Variants in MARS1 observed in about 807,000 individuals in gnomAD.
MARS1 encodes the protein methionine--tRNA ligase, cytoplasmic.
In MARS1, 80 loss-of-function variants were observed where a neutral mutation model predicts 119.5. The observed-to-expected ratio is 0.67, with a 90% CI of 0.56 to 0.81. The LOEUF (loss-of-function observed/expected upper bound fraction) is 0.81. Among genes scored for constraint, MARS1 ranks in the 30% least tolerant of loss-of-function variants. The probability of loss-of-function intolerance (pLI) is 0.00; values close to 1 mark genes in which losing one functional copy is unlikely to be tolerated. For missense variants in MARS1, 945 were observed against 1,116.5 expected, an observed-to-expected ratio of 0.85 and a Z score of 2.19; for synonymous variants, 418 against 433.4, an observed-to-expected ratio of 0.96 and a Z score of 0.44.
In MARS1 at chr12:57,504,862, C is replaced by T. The variant is rs549193377; in HGVS notation, c.1368+563C>T. Among the ~76,000 whole-genome samples the T allele has an allele frequency of 3.9e-5, 6 of 152,068 alleles. No individual in the cohort carries two copies. The South Asian group carries it at 1.2e-3, about 32-fold the overall frequency. On this transcript the variant is annotated intron_variant, in intron 11 of 20. Transcript: ENST00000262027. ...GGGATTACAGGCGTCTGCCACCATGCCCGGCTAATTTTTGTATTTTTAGTA... is the reference window on the plus strand; with the variant it reads ...GGGATTACAGGCGTCTGCCACCATGTCCGGCTAATTTTTGTATTTTTAGTA...
chr12:57,498,720 G>A, intron 9 of MARS1, 97 bp downstream of exon 9: 2 of 1,118,130 alleles, frequency 1.8e-6, no homozygotes, highest in South Asian at 1.3e-5. Context: ...GTGGCTGTCT[G>A]GGCACTCCTA....
chr12:57,493,191 T>C (rs1876078090), intron 7 of MARS1, among the ~76,000 whole-genome samples: 1 of 147,238 alleles, frequency 6.8e-6, no homozygotes, highest in Non-Finnish European at 1.5e-5. Flanking sequence ...GTGTCTCTTT[T>C]ATGGGGCTCA....
chr12:57,516,493 A>T lies in MARS1; in HGVS notation c.2615A>T (p.Glu872Val). ...QKADKNEVAA[E>V]VAKLLDLKKQ... Reference sequence around the variant, plus strand: ...GCAGACAAGAACGAGGTTGCTGCGGAGGTGGCGAAACTCTTGGATCTAAAG... The same window carrying T: ...GCAGACAAGAACGAGGTTGCTGCGGTGGTGGCGAAACTCTTGGATCTAAAG... Residue 872 changes from glutamate (E) to valine (V), a missense_variant, in exon 21 of 21, where the codon GAG becomes GTG. Glu to Val is a moderately radical substitution (Grantham distance 121). Transcript: ENST00000262027. The T allele has an allele frequency of 6.2e-7, 1 of 1,613,886 alleles. No individual in the cohort carries two copies. The highest frequency in any genetic ancestry group is 8.5e-7 in the Non-Finnish European group (1 of 1,179,944).
intron 7 of MARS1, among the ~76,000 whole-genome samples, chr12:57,493,749 ACATTATATTATATATATT>A (rs1876327374): frequency 4.5e-4 from 2 of 4,414 alleles, no homozygotes; most frequent in South Asian, 0.021. Flanking sequence ...TATATTATAT[ACATTATATTATATATATT>A]ATATATAATA....
rs765972233 is a variant in MARS1, at chr12:57,512,792, G to A, written c.1795G>A (p.Gly599Ser). 5 of 1,614,186 alleles carry A rather than the reference G, an allele frequency of 3.1e-6. No individual in the cohort carries two copies. Among genetic ancestry groups the A allele is most frequent in the Non-Finnish European group, 2.5e-6 (3 of 1,180,020 alleles). The change falls in exon 15 of 21, where the codon GGT becomes AGT. Residue 599 changes from glycine (G) to serine (S), a missense_variant. Coordinates refer to ENST00000262027, the MANE Select transcript of MARS1 (RefSeq NM_004990.4). ...YEDGKFSKSR[G>S]VGVFGDMAQD... ...GGATGGGAAATTCTCTAAGAGCCGC[G>A]GTGTGGGAGTGTTTGGGGACATGGC...
intron 7 of MARS1, among the ~76,000 whole-genome samples, chr12:57,497,922 C>T (rs768265646): frequency 2.2e-4 from 34 of 151,984 alleles, no homozygotes; most frequent in Admixed American, 4.6e-4. Flanking sequence ...AACAAGGCTC[C>T]TTCATAGCAG....
intron 7 of MARS1, among the ~76,000 whole-genome samples, chr12:57,493,724 T>TAATA (rs1565640909): frequency 1.8e-4 from 1 of 5,596 alleles, no homozygotes; most frequent in Non-Finnish European, 2.6e-4. Context: ...ATATTATATA[T>TAATA]TATATTATAT....
At chr12:57,501,373 G>T (rs773250800) in intron 10 of MARS1, among the ~76,000 whole-genome samples, 1 of 152,222 alleles carries the variant, frequency 6.6e-6, no homozygotes, top group African/African-American at 2.4e-5. Context: ...ATGGATGGCA[G>T]GGAAGCAAGA....
intron 4 of MARS1, 116 bp from the exon 5 acceptor site, chr12:57,489,780 A>T: frequency 9.1e-7 from 1 of 1,104,530 alleles, no homozygotes; most frequent in South Asian, 1.3e-5. Context: ...GAGATCATAT[A>T]AAGTGCTTAA....
At chr12:57,499,907 C>CA (rs764717879) in intron 9 of MARS1, among the ~76,000 whole-genome samples, 4 of 151,986 alleles carry the variant, frequency 2.6e-5, no homozygotes, top group African/African-American at 4.8e-5. Flanking sequence ...TCAAAACAAA[C>CA]AAAAAAACCC....
In MARS1 at chr12:57,511,823, C is replaced by A. The variant is rs372859186; in HGVS notation, c.1494C>A (p.Asp498Glu). The change falls in exon 12 of 21, where the codon GAC becomes GAA. Residue 498 changes from aspartate to glutamate, a missense_variant. Physicochemically the swap from Asp to Glu is conservative, Grantham distance 45 (BLOSUM62 2). Transcript: ENST00000262027. Reference sequence around the variant, plus strand: ...TCAAGCCACGCTGCATAACCCGAGACCTCAAATGGGGAACCCCTGTACCCT... The same window carrying A: ...TCAAGCCACGCTGCATAACCCGAGAACTCAAATGGGGAACCCCTGTACCCT... Reference protein sequence around the residue: ...DGLKPRCITRDLKWGTPVPLE... With the variant: ...DGLKPRCITRELKWGTPVPLE... 3.7e-6 allele frequency: 6 copies of A among 1,614,088 alleles called. No individual in the cohort carries two copies. The highest frequency in any genetic ancestry group is 5.1e-6 in the Non-Finnish European group (6 of 1,180,038).
chr12:57,515,068 CG>C lies in MARS1; in HGVS notation c.2204+14del. 6.2e-7 allele frequency: 1 copy of C among 1,614,022 alleles called. No individual in the cohort carries two copies. Among genetic ancestry groups the C allele is most frequent in the East Asian group, 2.2e-5 (1 of 44,884 alleles). On this transcript the variant is annotated intron_variant, in intron 17 of 20. Coordinates refer to ENST00000262027, the MANE Select transcript of MARS1 (RefSeq NM_004990.4). ...GCAGTGAGGCTGACAGGTAGGTAAG[CG>C]GGGAGGGTTGGCTAAAGGCATAAAG...
Position 57,500,646 on chromosome 12 carries a change from C to T in MARS1, c.1293+124C>T, listed in dbSNP as rs578249119. 1.1e-4 allele frequency: 90 copies of T among 842,984 alleles called. No individual in the cohort carries two copies. In the South Asian group the frequency reaches 1.5e-3, roughly 14 times the overall value. 52.2% of individuals were successfully genotyped at this position (842,984 alleles called of 1,614,324 possible). On this transcript the variant is annotated intron_variant, in intron 10 of 20. Coordinates refer to ENST00000262027, the MANE Select transcript of MARS1 (RefSeq NM_004990.4). ...GACCTTTAACCAGTGGCCCTTTCTG[C>T]CCCATCTCAGCAACTCGTCATTTAG...
chr12:57,493,899 TTATATAA>T (rs1357887305), intron 7 of MARS1, among the ~76,000 whole-genome samples: 3 of 60,792 alleles, frequency 4.9e-5, no homozygotes, highest in Admixed American at 2.7e-4. Context: ...TATATTTATG[TTATATAA>T]TATATATAAT....
chr12:57,493,324 TTATATATAA>T (rs1311192482), intron 7 of MARS1, among the ~76,000 whole-genome samples: 1 of 98,480 alleles, frequency 1.0e-5, no homozygotes, highest in South Asian at 2.6e-4. Flanking sequence ...ATATAATATA[TTATATATAA>T]TATATGTTAT....
Position 57,514,995 on chromosome 12 carries a change from A to G in MARS1, c.2141A>G (p.His714Arg), listed in dbSNP as rs1322917190. The change falls in exon 17 of 21, where the codon CAT (histidine) becomes CGT (arginine). Residue 714 changes from histidine (H) to arginine (R), a missense_variant. His to Arg is a conservative substitution (Grantham distance 29). Coordinates refer to ENST00000262027, the MANE Select transcript of MARS1 (RefSeq NM_004990.4). ...CGCAGTATCCTCACCATATCTCGAC[A>G]TGGCAACCAATATATTCAGGTGAAT... ...ALRSILTISR[H>R]GNQYIQVNEP... The G allele has an allele frequency of 3.7e-6, 6 of 1,614,182 alleles. No homozygotes were observed. The highest frequency in any genetic ancestry group is 3.3e-4 in the Middle Eastern group (2 of 6,062).
intron 19 of MARS1, 46 bp downstream of exon 19, chr12:57,516,037 A>C (rs1387100729): frequency 6.3e-7 from 1 of 1,582,544 alleles, no homozygotes; most frequent in East Asian, 2.2e-5. Flanking sequence ...CAGCCACAGC[A>C]TCACTTCCCT....
At chr12:57,497,650 A>G (rs905024303) in intron 7 of MARS1, among the ~76,000 whole-genome samples, 2 of 152,156 alleles carry the variant, frequency 1.3e-5, no homozygotes, top group Admixed American at 6.6e-5. Flanking sequence ...TGAGGAAGTG[A>G]CAGACATGGG....
intron 11 of MARS1, among the ~76,000 whole-genome samples, chr12:57,505,789 G>A (rs2140025751): frequency 6.6e-6 from 1 of 152,006 alleles, no homozygotes; most frequent in East Asian, 1.9e-4. Context: ...TCCAGCCTGG[G>A]CAACAGAGTG....
Sources: allele counts gnomAD v4.1 joint callset (sites outside exome capture counted in the v4.1 genomes callset), GRCh38; gene constraint gnomAD v4.1.1; transcripts MANE v1.5; gene names NCBI Gene and HGNC (gene_info 2026-07-23, HGNC 2026-07-21).